RHBDD1: variants seen among roughly 807,000 people sequenced by gnomAD.
RHBDD1 encodes rhomboid domain containing 1.
RHBDD1 carries 38 observed loss-of-function variants against 36.3 expected under a neutral mutation model. That is an observed-to-expected ratio of 1.05 (90% CI 0.81 to 1.37). The LOEUF (loss-of-function observed/expected upper bound fraction) is 1.37, where lower values mean the gene tolerates loss of function less well. Among genes scored for constraint, RHBDD1 ranks in the 40% most tolerant of loss-of-function variants. RHBDD1 has a pLI of 0.00. For missense variants in RHBDD1, 393 were observed against 377.6 expected, an observed-to-expected ratio of 1.04 and a Z score of -0.34; for synonymous variants, 151 against 136.5, an observed-to-expected ratio of 1.11 and a Z score of -0.74.
chr2:226,863,620 T>G (rs13419252), intron 3 of RHBDD1, among the ~76,000 whole-genome samples: 28,335 of 152,100 alleles, frequency 0.19, 4,312 homozygotes, highest in African/African-American at 0.42. Flanking sequence ...GCAAGGACCT[T>G]CAGGGTGACT....
chr2:226,937,637 C>T (rs1295439124), intron 8 of RHBDD1, among the ~76,000 whole-genome samples: 1 of 152,084 alleles, frequency 6.6e-6, no homozygotes. Flanking sequence ...TATTCATCTC[C>T]GTGTGTCCAT....
chr2:226,968,684 C>T (rs1337872407), intron 8 of RHBDD1, among the ~76,000 whole-genome samples: 1 of 152,116 alleles, frequency 6.6e-6, no homozygotes, highest in East Asian at 1.9e-4. Context: ...TTGTTCTGAC[C>T]CTTGAAAATG....
intron 5 of RHBDD1, among the ~76,000 whole-genome samples, chr2:226,884,690 AAAT>A (rs1173534739): frequency 6.6e-6 from 1 of 152,176 alleles, no homozygotes; most frequent in East Asian, 1.9e-4. Context: ...TCAGTAGAGA[AAAT>A]AAGAGTTTTT....
At chr2:226,804,726 C>T in the RHBDD1 span, 2 of 152,166 alleles carry the variant, frequency 1.3e-5, no homozygotes, top group African/African-American at 4.8e-5. Flanking sequence ...ATGAAATAAA[C>T]AGGTGGATGA....
chr2:226,810,681 G>A, the RHBDD1 span, among the ~76,000 whole-genome samples: 297 of 152,058 alleles, frequency 2.0e-3, 2 homozygotes, highest in African/African-American at 6.9e-3. Context: ...GGCTAAGGAG[G>A]GGGAAGAAGA....
At chr2:226,805,216 T>C in the RHBDD1 span, among the ~76,000 whole-genome samples, 1 of 152,014 alleles carries the variant, frequency 6.6e-6, no homozygotes, top group African/African-American at 2.4e-5. Context: ...GTTTGTTTGT[T>C]TGTTTTGTTT....
intron 4 of RHBDD1, 30 bp downstream of exon 4, chr2:226,865,156 G>A (rs1458365627): frequency 6.5e-7 from 1 of 1,531,418 alleles, no homozygotes; most frequent in South Asian, 1.2e-5. Context: ...GAGGTTGCAT[G>A]CATAAAGGAA....
chr2:226,923,313 T>C (rs1575113871), intron 8 of RHBDD1, among the ~76,000 whole-genome samples: 2 of 152,190 alleles, frequency 1.3e-5, no homozygotes, highest in East Asian at 1.9e-4. Context: ...AATTTTTTTT[T>C]CCCCTTCAGC....
chr2:226,954,134 C>T (rs895672860), intron 8 of RHBDD1, among the ~76,000 whole-genome samples: 1 of 152,154 alleles, frequency 6.6e-6, no homozygotes, highest in African/African-American at 2.4e-5. Flanking sequence ...AAACAGACGG[C>T]ACCCAAACCC....
intron 5 of RHBDD1, among the ~76,000 whole-genome samples, chr2:226,888,548 T>C (rs1946421605): frequency 6.6e-6 from 1 of 152,102 alleles, no homozygotes; most frequent in Non-Finnish European, 1.5e-5. Context: ...TTATGAGTCT[T>C]ACCACATTTT....
At chr2:226,975,466 G>A (rs1450108675) in intron 8 of RHBDD1, among the ~76,000 whole-genome samples, 1 of 152,186 alleles carries the variant, frequency 6.6e-6, no homozygotes, top group African/African-American at 2.4e-5. Context: ...CACTCCTAGA[G>A]GGAGCAACTT....
At chr2:226,845,466 T>G (rs536706324) in intron 3 of RHBDD1, among the ~76,000 whole-genome samples, 2 of 152,362 alleles carry the variant, frequency 1.3e-5, no homozygotes, top group South Asian at 4.1e-4. Context: ...GACCATGCCC[T>G]TAACTGCTGT....
intron 5 of RHBDD1, among the ~76,000 whole-genome samples, chr2:226,874,969 T>C (rs1945103288): frequency 6.6e-6 from 1 of 152,242 alleles, no homozygotes; most frequent in South Asian, 2.1e-4. Context: ...TAGTATCTAT[T>C]GTATGCTACT....
intron 8 of RHBDD1, among the ~76,000 whole-genome samples, chr2:226,937,469 A>G (rs1950404024): frequency 6.6e-6 from 1 of 152,042 alleles, no homozygotes. Context: ...GTACATGTGC[A>G]GGAAATGCAG....
the RHBDD1 span, among the ~76,000 whole-genome samples, chr2:226,810,235 T>A: frequency 6.6e-6 from 1 of 152,012 alleles, no homozygotes; most frequent in African/African-American, 2.4e-5. Flanking sequence ...TAAAATAAAA[T>A]AATCTAGAGA....
upstream of RHBDD1, among the ~76,000 whole-genome samples, chr2:226,833,843 T>A (rs570663661): frequency 8.5e-5 from 13 of 152,340 alleles, no homozygotes; most frequent in South Asian, 2.7e-3. Context: ...CCAAGTGATA[T>A]TTGTCAATTG....
intron 8 of RHBDD1, among the ~76,000 whole-genome samples, chr2:226,955,268 GT>G: frequency 6.6e-6 from 1 of 152,314 alleles, no homozygotes; most frequent in African/African-American, 2.4e-5. Context: ...AGGGATCCAT[GT>G]GCTTGTTTTG....
chr2:226,899,571 A>G (rs1037745955), intron 5 of RHBDD1, among the ~76,000 whole-genome samples: 5 of 152,204 alleles, frequency 3.3e-5, no homozygotes, highest in African/African-American at 9.6e-5. Context: ...TAAATCTGCA[A>G]CTAGCTACAG....
At chr2:226,982,920 T>C (rs1956107709) in intron 8 of RHBDD1, among the ~76,000 whole-genome samples, 2 of 152,198 alleles carry the variant, frequency 1.3e-5, no homozygotes. Context: ...ATTGTATTTG[T>C]TGTGTTTTTC....
Sources: gnomAD v4.1 joint callset for allele counts (sites outside exome capture counted in the v4.1 genomes callset) on GRCh38, gnomAD v4.1.1 for gene constraint, MANE v1.5 for transcripts, NCBI Gene and HGNC (gene_info 2026-07-23, HGNC 2026-07-21) for gene names.